Variants in RAPGEF6 observed in about 807,000 individuals in gnomAD.
RAPGEF6 encodes PDZ domain containing guanine nucleotide exchange factor (GEF) 2.
A neutral mutation model predicts 171.4 loss-of-function variants in RAPGEF6; 56 were observed. The ratio of observed to expected loss-of-function variants is 0.33; its 90% confidence interval spans 0.26 to 0.41. RAPGEF6 has a LOEUF of 0.41. Ranked by LOEUF, RAPGEF6 falls within the 10% of genes least tolerant of loss-of-function variation. The pLI is 1.00. For synonymous variants in RAPGEF6, 692 were observed against 650.1 expected, an observed-to-expected ratio of 1.06 and a Z score of -0.98; for missense variants, 1,674 against 1,921.4, an observed-to-expected ratio of 0.87 and a Z score of 2.41.
At chr5:131,493,305 C>A (rs1756418635) in intron 13 of RAPGEF6, among the ~76,000 whole-genome samples, 1 of 152,148 alleles carries the variant, frequency 6.6e-6, no homozygotes, top group Non-Finnish European at 1.5e-5. Flanking sequence ...ACCTCGTGAT[C>A]CGCCTGTCTC....
intron 15 of RAPGEF6, among the ~76,000 whole-genome samples, chr5:131,488,230 T>C (rs934220613): frequency 6.6e-6 from 1 of 152,188 alleles, no homozygotes; most frequent in African/African-American, 2.4e-5. Context: ...CAGATCTACT[T>C]TTCTGTGTCC....
intron 7 of RAPGEF6, among the ~76,000 whole-genome samples, chr5:131,514,708 G>C (rs1757962163): frequency 6.6e-6 from 1 of 151,994 alleles, no homozygotes; most frequent in South Asian, 2.1e-4. Flanking sequence ...CCAATCTGAA[G>C]TAGAGATGAG....
intron 1 of RAPGEF6, among the ~76,000 whole-genome samples, chr5:131,633,671 T>C (rs749459697): frequency 6.6e-6 from 1 of 150,710 alleles, no homozygotes; most frequent in African/African-American, 2.4e-5. Flanking sequence ...GTAAAGGTTG[T>C]AGTGAGCCAA....
At chr5:131,526,075 AG>A (rs1758854426) in intron 6 of RAPGEF6, among the ~76,000 whole-genome samples, 1 of 152,218 alleles carries the variant, frequency 6.6e-6, no homozygotes, top group Non-Finnish European at 1.5e-5. Context: ...ACTTTGTGCC[AG>A]GAACTCTGCT....
intron 19 of RAPGEF6, among the ~76,000 whole-genome samples, chr5:131,458,372 C>T (rs973302272): frequency 1.3e-5 from 2 of 152,180 alleles, no homozygotes; most frequent in Non-Finnish European, 2.9e-5. Flanking sequence ...CATGTTTGCC[C>T]TTCGCCTTCC....
chr5:131,431,167 T>C lies in RAPGEF6; in HGVS notation c.4157A>G (p.Asp1386Gly). The C allele has an allele frequency of 6.2e-7, 1 of 1,614,142 alleles. No homozygotes were observed. Among genetic ancestry groups the C allele is most frequent in the Non-Finnish European group, 8.5e-7 (1 of 1,180,022 alleles). The change falls in exon 26 of 28, where the codon GAT becomes GGT. Residue 1386 changes from aspartate to glycine, a missense_variant. Asp to Gly is a moderately conservative substitution (Grantham distance 94, BLOSUM62 -1). This residue lies in a region of RAPGEF6 where 552 missense variants were observed against 574.2 expected (regional missense o/e 0.96). Coordinates refer to ENST00000509018, the MANE Select transcript of RAPGEF6 (RefSeq NM_016340.6). Reference protein sequence around the residue: ...FQSLPNPKSWDFLNSYRHTHL... With the variant: ...FQSLPNPKSWGFLNSYRHTHL... The stretch of plus-strand genomic sequence containing the variant: ...GGTATGTCTGTAAGAGTTCAAAAAA[T>C]CCCAGCTTTTTGGGTTTGGAAGGCT...
chr5:131,486,273 A>C lies in RAPGEF6; in HGVS notation c.1840+3273T>G, dbSNP rs1401673301. On this transcript the variant is annotated intron_variant, in intron 15 of 27. Transcript: ENST00000509018. The stretch of plus-strand genomic sequence containing the variant: ...CTGGAAAAAGAGACATCACTTTGGG[A>C]TATGGTCCCAGGAGTGGGAAAAGGC... 2.0e-5 allele frequency among the ~76,000 whole-genome samples: 3 copies of C among 152,346 alleles called. No homozygotes were observed. The East Asian group carries it at 5.8e-4, about 29-fold the overall frequency.
chr5:131,620,890 G>C (rs191387563), intron 1 of RAPGEF6, among the ~76,000 whole-genome samples: 12 of 152,126 alleles, frequency 7.9e-5, no homozygotes, highest in African/African-American at 2.9e-4. Context: ...CCATGCCCAC[G>C]GTAAAATCCA....
At chr5:131,547,451 A>G (rs1231825159) in intron 6 of RAPGEF6, among the ~76,000 whole-genome samples, 1 of 151,218 alleles carries the variant, frequency 6.6e-6, no homozygotes, top group Non-Finnish European at 1.5e-5. Context: ...TGATTCAGCT[A>G]CTTTTCAGTC....
intron 3 of RAPGEF6, among the ~76,000 whole-genome samples, chr5:131,597,621 A>G (rs994975584): frequency 1.3e-5 from 2 of 152,224 alleles, no homozygotes; most frequent in Non-Finnish European, 2.9e-5. Context: ...ATACTGCAGA[A>G]TATCACTTAT....
At chr5:131,551,389 G>A (rs533558625) in intron 5 of RAPGEF6, among the ~76,000 whole-genome samples, 21 of 151,924 alleles carry the variant, frequency 1.4e-4, no homozygotes, top group Middle Eastern at 3.4e-3. Context: ...GGCAGGCGCT[G>A]TAATCCCAGC....
chr5:131,492,469 G>C (rs952083949), intron 14 of RAPGEF6, 113 bp downstream of exon 14: 1 of 1,006,814 alleles, frequency 9.9e-7, no homozygotes, highest in East Asian at 2.5e-5. Context: ...CTAAAAAAAG[G>C]CTCAGAAAAA....
At chr5:131,484,638 T>C (rs1246914573) in intron 15 of RAPGEF6, among the ~76,000 whole-genome samples, 2 of 152,170 alleles carry the variant, frequency 1.3e-5, no homozygotes, top group Non-Finnish European at 2.9e-5. Context: ...TGGATCTATA[T>C]GAGCATAAAA....
intron 4 of RAPGEF6, among the ~76,000 whole-genome samples, chr5:131,586,108 G>C (rs1429229888): frequency 3.3e-5 from 5 of 152,046 alleles, no homozygotes; most frequent in Admixed American, 3.3e-4. Context: ...TCAGATTTTT[G>C]GGGTTCACAA....
intron 6 of RAPGEF6, among the ~76,000 whole-genome samples, chr5:131,529,313 T>TA (rs1561539238): frequency 6.6e-6 from 1 of 151,310 alleles, no homozygotes; most frequent in Non-Finnish European, 1.5e-5. Flanking sequence ...CCACCTCCAC[T>TA]AAAAACACAA....
In RAPGEF6 at chr5:131,509,927, T is replaced by C. The variant is rs567688933; in HGVS notation, c.805+387A>G. Among the ~76,000 whole-genome samples the C allele has an allele frequency of 2.0e-5, 3 of 152,340 alleles. No individual in the cohort carries two copies. The South Asian group carries it at 6.2e-4, about 32-fold the overall frequency. On this transcript the variant is annotated intron_variant, in intron 8 of 27. Transcript: ENST00000509018. ...AACTGTGGCATTTGCCTTATTCTCC[T>C]TTGGATTACTTACTTAGGGGGAAGC...
Position 131,424,891 on chromosome 5 carries a change from A to C in RAPGEF6, c.*2375T>G, listed in dbSNP as rs199500887. 9 of 152,438 alleles carry C rather than the reference A, an allele frequency of 5.9e-5. No homozygotes were observed. The East Asian group carries it at 1.7e-3, about 29-fold the overall frequency. The allele number at this position is 152,438 out of a possible 1,614,324, so 9.4% of individuals were successfully genotyped here. Reference sequence around the variant, plus strand: ...CACTAGTCTCTTCATTAAGATTATAAATTTATAAAACAAAAACAAATGGAG... The same window carrying C: ...CACTAGTCTCTTCATTAAGATTATACATTTATAAAACAAAAACAAATGGAG... On this transcript the variant is annotated 3_prime_UTR_variant, in exon 28 of 28. Transcript: ENST00000509018.
In RAPGEF6 at chr5:131,498,459, T is replaced by C; in HGVS notation, c.1403A>G (p.Asp468Gly). ...GIKLLEWFKI[D>G]SLRDKVTRIV... ...AAAACCAACCTTATCTCTTAAGCTG[T>C]CGATCTTAAACCATTCCAATAGTTT... The change falls in exon 12 of 28, where the codon GAC becomes GGC. Residue 468 changes from aspartate (D) to glycine (G), a missense_variant. Physicochemically the swap from Asp to Gly is moderately conservative, Grantham distance 94 (BLOSUM62 -1). Around this residue, in one of 3 missense-constraint regions of RAPGEF6, gnomAD observed 1,116 missense variants for 1,321.5 expected, o/e 0.84. Coordinates refer to ENST00000509018, the MANE Select transcript of RAPGEF6 (RefSeq NM_016340.6). 1 of 1,606,184 alleles carries C rather than the reference T, an allele frequency of 6.2e-7. No homozygotes were observed. Among genetic ancestry groups the C allele is most frequent in the East Asian group, 2.2e-5 (1 of 44,666 alleles).
intron 4 of RAPGEF6, among the ~76,000 whole-genome samples, chr5:131,579,073 G>A (rs1461983468): frequency 6.6e-6 from 1 of 152,152 alleles, no homozygotes; most frequent in African/African-American, 2.4e-5. Flanking sequence ...TCTTTCTTCT[G>A]GCGGGTTCGT....
Sources: gnomAD v4.1 joint callset for allele counts (sites outside exome capture counted in the v4.1 genomes callset) on GRCh38, gnomAD v4.1.1 for gene constraint, gnomAD v4.1.1 regional missense constraint, MANE v1.5 for transcripts, NCBI Gene and HGNC (gene_info 2026-07-23, HGNC 2026-07-21) for gene names.